The following THSD7B variants were observed in gnomAD, a reference collection of about 807,000 sequenced individuals.
THSD7B encodes thrombospondin type 1 domain containing 7B.
In THSD7B, 138 loss-of-function variants were observed where a neutral mutation model predicts 213.6. The ratio of observed to expected loss-of-function variants is 0.65; its 90% CI spans 0.56 to 0.74. THSD7B has a LOEUF of 0.74. Among genes scored for constraint, THSD7B ranks in the 30% least tolerant of loss-of-function variants. The pLI is 0.00. For missense variants in THSD7B, 1,931 were observed against 1,991.5 expected (o/e 0.97, Z 0.58); for synonymous variants, 742 against 687.0 (o/e 1.08, Z -1.25).
At chr2:137,536,251 C>T (rs1381118409) in intron 15 of THSD7B, among the ~76,000 whole-genome samples, 1 of 151,082 alleles carries the variant, frequency 6.6e-6, no homozygotes, top group Non-Finnish European at 1.5e-5. Context: ...CAGACTTTCC[C>T]GTTTGGAAAA....
intron 14 of THSD7B, among the ~76,000 whole-genome samples, chr2:137,412,426 C>A (rs1259843002): frequency 6.6e-6 from 1 of 151,486 alleles, no homozygotes; most frequent in Non-Finnish European, 1.5e-5. Context: ...CATGGAGAAA[C>A]CCTGTCTCTA....
intron 2 of THSD7B, among the ~76,000 whole-genome samples, chr2:137,036,481 G>C (rs1333964786): frequency 6.6e-6 from 1 of 152,108 alleles, no homozygotes; most frequent in Admixed American, 6.5e-5. Context: ...TGTTGTCAAA[G>C]ACTGGTTATT....
intron 7 of THSD7B, among the ~76,000 whole-genome samples, chr2:137,195,710 G>A (rs1001482012): frequency 2.6e-5 from 4 of 152,008 alleles, no homozygotes; most frequent in Non-Finnish European, 2.9e-5. Flanking sequence ...GCATTAGAAA[G>A]CCAACCAAAA....
intron 15 of THSD7B, among the ~76,000 whole-genome samples, chr2:137,560,334 G>A (rs991255597): frequency 6.6e-6 from 1 of 151,978 alleles, no homozygotes; most frequent in Admixed American, 6.6e-5. Flanking sequence ...ATGATAGACT[G>A]GGTTAAAAAA....
chr2:137,553,126 T>A (rs1033451806), intron 15 of THSD7B, among the ~76,000 whole-genome samples: 1 of 152,136 alleles, frequency 6.6e-6, no homozygotes, highest in African/African-American at 2.4e-5. Flanking sequence ...CTTGCCAGGA[T>A]CTCTGGTCCC....
chr2:137,097,249 A>T (rs1259674359), intron 4 of THSD7B, among the ~76,000 whole-genome samples: 1 of 152,134 alleles, frequency 6.6e-6, no homozygotes, highest in Non-Finnish European at 1.5e-5. Flanking sequence ...TAACAATTAC[A>T]GTTCTCTTGG....
intron 1 of THSD7B, among the ~76,000 whole-genome samples, chr2:136,843,088 A>AT (rs58411751): frequency 2.3e-3 from 291 of 128,480 alleles, no homozygotes; most frequent in Middle Eastern, 4.2e-3. Flanking sequence ...GAGTGGTTTC[A>AT]TTTTTTTTTT....
chr2:136,966,785 TG>T (rs141954951), intron 2 of THSD7B, among the ~76,000 whole-genome samples: 426 of 152,318 alleles, frequency 2.8e-3, no homozygotes, highest in African/African-American at 9.7e-3. Flanking sequence ...GAATATACCA[TG>T]AAGCACCTTC....
intron 2 of THSD7B, among the ~76,000 whole-genome samples, chr2:136,942,609 G>A (rs1040918372): frequency 2.2e-4 from 34 of 152,060 alleles, no homozygotes; most frequent in African/African-American, 8.0e-4. Context: ...TCTCTTTGTA[G>A]CAATTGTGAA....
intron 17 of THSD7B, among the ~76,000 whole-genome samples, chr2:137,612,224 A>C (rs1482978858): frequency 6.6e-6 from 1 of 152,224 alleles, no homozygotes; most frequent in African/African-American, 2.4e-5. Context: ...ATAATGGTTC[A>C]AATGCAATGT....
At chr2:136,892,048 T>C (rs968343040) in intron 2 of THSD7B, among the ~76,000 whole-genome samples, 2 of 152,138 alleles carry the variant, frequency 1.3e-5, no homozygotes, top group African/African-American at 4.8e-5. Flanking sequence ...CCTTTCTCTC[T>C]GTGTGGTCTC....
intron 2 of THSD7B, among the ~76,000 whole-genome samples, chr2:137,035,512 A>G (rs926242795): frequency 6.6e-6 from 1 of 150,454 alleles, no homozygotes; most frequent in African/African-American, 2.4e-5. Context: ...TACACTTTAC[A>G]CTCTTAAGTT....
At chr2:137,434,906 TA>T (rs1687260649) in intron 14 of THSD7B, among the ~76,000 whole-genome samples, 2 of 152,328 alleles carry the variant, frequency 1.3e-5, no homozygotes, top group East Asian at 3.9e-4. Context: ...TTTCTTCCAT[TA>T]AGATGTACTT....
At chr2:136,886,336 A>C (rs766114761) in intron 2 of THSD7B, among the ~76,000 whole-genome samples, 5 of 152,150 alleles carry the variant, frequency 3.3e-5, no homozygotes, top group Non-Finnish European at 7.4e-5. Context: ...CTGGCTGAGA[A>C]GAGCAGGGCA....
chr2:137,493,768 T>C (rs1476684858), intron 15 of THSD7B, among the ~76,000 whole-genome samples: 2 of 152,200 alleles, frequency 1.3e-5, no homozygotes, highest in African/African-American at 4.8e-5. Context: ...TCCTATTTTC[T>C]TTATTTAATT....
intron 5 of THSD7B, among the ~76,000 whole-genome samples, chr2:137,147,363 T>G (rs1182555382): frequency 6.6e-6 from 1 of 152,152 alleles, no homozygotes; most frequent in Non-Finnish European, 1.5e-5. Context: ...GAGCCTTCCT[T>G]TGAAGCTGAG....
chr2:137,367,113 C>T (rs890763553), intron 12 of THSD7B, among the ~76,000 whole-genome samples: 1 of 151,960 alleles, frequency 6.6e-6, no homozygotes, highest in African/African-American at 2.4e-5. Context: ...CTTTCCCTGG[C>T]ATCCATGATG....
chr2:136,837,157 T>C (rs1407866797), intron 1 of THSD7B, among the ~76,000 whole-genome samples: 1 of 152,210 alleles, frequency 6.6e-6, no homozygotes, highest in Non-Finnish European at 1.5e-5. Context: ...TCATGAATCA[T>C]CAAAAATATA....
At chr2:137,625,361 A>T (rs1424722119) in intron 20 of THSD7B, among the ~76,000 whole-genome samples, 3 of 151,666 alleles carry the variant, frequency 2.0e-5, no homozygotes, top group Non-Finnish European at 2.9e-5. Context: ...ACATTAGGGG[A>T]AATACCTAGT....
Sources: allele counts gnomAD v4.1 joint callset (sites outside exome capture counted in the v4.1 genomes callset), GRCh38; gene constraint gnomAD v4.1.1; transcripts MANE v1.5; gene names NCBI Gene and HGNC (gene_info 2026-07-23, HGNC 2026-07-21).